NUP155: variants seen among roughly 807,000 people sequenced by gnomAD.
NUP155 encodes nuclear pore complex protein Nup155.
In NUP155, 71 loss-of-function variants were observed where a neutral mutation model predicts 180.4. That is an observed-to-expected ratio of 0.39 (90% confidence interval 0.33 to 0.48). The LOEUF is 0.48. NUP155 is among the 20% of genes least tolerant of loss of function. The probability of loss-of-function intolerance (pLI) is 0.91; values close to 1 mark genes in which losing one functional copy is unlikely to be tolerated. For synonymous variants in NUP155, 582 were observed against 559.5 expected (o/e 1.04, Z -0.57); for missense variants, 1,553 against 1,648.9 (o/e 0.94, Z 1.01).
chr5:37,362,238 T>C (rs1282821683), intron 3 of NUP155, among the ~76,000 whole-genome samples: 1 of 152,142 alleles, frequency 6.6e-6, no homozygotes, highest in East Asian at 1.9e-4. Context: ...TCAATATGTA[T>C]GTGTTAAATA....
At chr5:37,367,721 G>C (rs1747691094) in intron 1 of NUP155, among the ~76,000 whole-genome samples, 1 of 151,888 alleles carries the variant, frequency 6.6e-6, no homozygotes, top group South Asian at 2.1e-4. Context: ...TTTTAGTAGA[G>C]ATGGGGGTTT....
chr5:37,345,182 C>G (rs1745995285), intron 9 of NUP155, among the ~76,000 whole-genome samples: 1 of 151,586 alleles, frequency 6.6e-6, no homozygotes, highest in South Asian at 2.1e-4. Context: ...GACTACTGGG[C>G]AATTTTAATA....
chr5:37,292,855 A>G (rs1742308374), intron 34 of NUP155, 24 bp downstream of exon 34: 6 of 1,462,244 alleles, frequency 4.1e-6, no homozygotes, highest in Non-Finnish European at 5.8e-6. Flanking sequence ...GCTTTTGCTG[A>G]TCCAATATTT....
Position 37,290,541 on chromosome 5 carries a change from C to A in NUP155, c.*1359G>T, listed in dbSNP as rs912325334. ...GTTAGCTCTGGTCATTCCCACTCTT[C>A]TTCTCTCTTGTTGCTATTACTTTGA... On this transcript the variant is annotated 3_prime_UTR_variant, in exon 35 of 35. Coordinates refer to ENST00000231498, the MANE Select transcript of NUP155 (RefSeq NM_153485.3). The A allele has an allele frequency of 6.6e-6, 1 of 150,958 alleles. No individual in the cohort carries two copies. Among genetic ancestry groups the A allele is most frequent in the African/African-American group, 2.4e-5 (1 of 41,162 alleles). 9.4% of individuals were successfully genotyped at this position (150,958 alleles called of 1,614,324 possible).
chr5:37,310,642 G>A lies in NUP155; in HGVS notation c.2538C>T (p.Ile846=), dbSNP rs767617307. The A allele has an allele frequency of 1.2e-6, 2 of 1,613,446 alleles. No individual in the cohort carries two copies. The highest frequency in any genetic ancestry group is 1.7e-6 in the Non-Finnish European group (2 of 1,179,610). Residue 846 remains isoleucine (I), a synonymous_variant, in exon 23 of 35, where the codon ATC becomes ATT. Transcript: ENST00000231498. ...TGCCATCAACAGCGGCATTATCTCTGATGTAGCAGTTGATAAGAGAAGCAA... is the reference window on the plus strand; with the variant it reads ...TGCCATCAACAGCGGCATTATCTCTAATGTAGCAGTTGATAAGAGAAGCAA... ...ALIASLINCY[I]RDNAAVDGIS... is the part of the protein sequence containing the mutation.
intron 23 of NUP155, 81 bp downstream of exon 23, chr5:37,310,471 C>T (rs530801808): frequency 1.2e-5 from 14 of 1,141,248 alleles, no homozygotes; most frequent in Non-Finnish European, 1.7e-5. Context: ...GACTGAGGTC[C>T]TATATTAAGT....
chr5:37,301,515 T>C lies in NUP155; in HGVS notation c.3483A>G (p.Leu1161=), dbSNP rs1742860237. Residue 1161 remains leucine, a synonymous_variant, in exon 30 of 35, where the codon CTA becomes CTG. Coordinates refer to ENST00000231498, the MANE Select transcript of NUP155 (RefSeq NM_153485.3). ...AAGAATGATGGGAATACTGCCTTTGTAGTGTCTCCTGTATCTGAAGTTGGA... is the reference window on the plus strand; with the variant it reads ...AAGAATGATGGGAATACTGCCTTTGCAGTGTCTCCTGTATCTGAAGTTGGA... ...ARIQLQIQET[L]QRQYSHHSSV... 1 of 1,613,512 alleles carries C rather than the reference T, an allele frequency of 6.2e-7. No individual in the cohort carries two copies. Among genetic ancestry groups the C allele is most frequent in the African/African-American group, 1.3e-5 (1 of 74,920 alleles).
intron 12 of NUP155, among the ~76,000 whole-genome samples, chr5:37,334,925 G>A (rs1745221440): frequency 6.6e-6 from 1 of 151,956 alleles, no homozygotes; most frequent in Non-Finnish European, 1.5e-5. Flanking sequence ...TTTGGGAGGT[G>A]GAGGCGGGCG....
intron 24 of NUP155, among the ~76,000 whole-genome samples, chr5:37,308,445 T>C (rs1238909444): frequency 6.6e-6 from 1 of 152,014 alleles, no homozygotes; most frequent in Non-Finnish European, 1.5e-5. Flanking sequence ...ACACCTGTAA[T>C]CCCAGCGCTT....
chr5:37,324,506 T>C lies in NUP155; in HGVS notation c.2092-399A>G, dbSNP rs887581840. Among the ~76,000 whole-genome samples, 5 of 152,092 alleles carry C rather than the reference T, an allele frequency of 3.3e-5. No individual in the cohort carries two copies. The South Asian group carries it at 6.2e-4, about 19-fold the overall frequency. ...ACAAGTTTTTAGACTTCCATATATA[T>C]ATATGGAATCATATACTGTGTTAGG... On this transcript the variant is annotated intron_variant, in intron 19 of 34. Coordinates refer to ENST00000231498, the MANE Select transcript of NUP155 (RefSeq NM_153485.3).
At chr5:37,346,273 G>A (rs1746077312) in intron 9 of NUP155, among the ~76,000 whole-genome samples, 1 of 150,778 alleles carries the variant, frequency 6.6e-6, no homozygotes, top group South Asian at 2.1e-4. Context: ...GTGAAACCCT[G>A]TCTGAAAAAA....
intron 3 of NUP155, 46 bp downstream of exon 3, chr5:37,363,842 T>C (rs1747373257): frequency 8.1e-7 from 1 of 1,241,896 alleles, no homozygotes; most frequent in Non-Finnish European, 1.2e-6. Context: ...GTAAAGTTTA[T>C]ATAAATTCCA....
At chr5:37,304,541 C>T (rs1190307519) in intron 27 of NUP155, among the ~76,000 whole-genome samples, 198 bp downstream of exon 27, 1 of 152,122 alleles carries the variant, frequency 6.6e-6, no homozygotes, top group Non-Finnish European at 1.5e-5. Flanking sequence ...TCCCAATCAG[C>T]TTCGAATTAA....
At chr5:37,317,184 TA>T (rs1342131636) in intron 21 of NUP155, among the ~76,000 whole-genome samples, 1 of 141,290 alleles carries the variant, frequency 7.1e-6, no homozygotes, top group Non-Finnish European at 1.5e-5. Flanking sequence ...AATAAATAAA[TA>T]AATAAAATAA....
chr5:37,360,298 A>G (rs544794888), intron 3 of NUP155, among the ~76,000 whole-genome samples: 3 of 152,102 alleles, frequency 2.0e-5, no homozygotes, highest in South Asian at 2.1e-4. Context: ...CCTGGCCAAC[A>G]TGGTGAAACC....
At chr5:37,295,483 G>A (rs946414104) in intron 32 of NUP155, among the ~76,000 whole-genome samples, 2 of 152,036 alleles carry the variant, frequency 1.3e-5, no homozygotes, top group Admixed American at 1.3e-4. Context: ...TCTGGGAAGT[G>A]AGGAGCGTCT....
rs1742856341 is a variant in NUP155 at position 37,301,455 on chromosome 5, C to T, written c.3543G>A (p.Glu1181=). 3 of 1,610,074 alleles carry T rather than the reference C, an allele frequency of 1.9e-6. No homozygotes were observed. The East Asian group carries it at 6.7e-5, about 36-fold the overall frequency. ...VQDAVSQLDS[E]LMDITKLYGE... is the part of the protein sequence containing the mutation. ...TTATTACCTTAGTTATGTCCATCAG[C>T]TCAGAATCCAGCTGAGAAACTGCAT... Residue 1181 remains glutamate (E), a synonymous_variant, in exon 30 of 35, where the codon GAG becomes GAA. Transcript: ENST00000231498.
At chr5:37,326,009 A>G in intron 18 of NUP155, 42 bp from the exon 19 acceptor site, 1 of 1,297,620 alleles carries the variant, frequency 7.7e-7, no homozygotes, top group Non-Finnish European at 1.1e-6. Context: ...GTAAATGAAT[A>G]AAAACAATTA....
intron 3 of NUP155, 109 bp downstream of exon 3, chr5:37,363,779 G>T: frequency 1.3e-6 from 1 of 755,958 alleles, no homozygotes; most frequent in Non-Finnish European, 2.4e-6. Flanking sequence ...TGACCCAAAG[G>T]CTAGATGAAT....
Sources: gnomAD v4.1 joint callset for allele counts (sites outside exome capture counted in the v4.1 genomes callset) on GRCh38, gnomAD v4.1.1 for gene constraint, MANE v1.5 for transcripts, NCBI Gene and HGNC (gene_info 2026-07-23, HGNC 2026-07-21) for gene names.